The following TMEM163 variants were observed in gnomAD, a reference collection of about 807,000 sequenced individuals.
TMEM163 encodes transmembrane protein 163.
Under a neutral mutation model 29.3 loss-of-function variants are expected in TMEM163, and 17 were observed. That is an observed-to-expected ratio of 0.58 (90% CI 0.40 to 0.87). TMEM163 has a LOEUF of 0.87. Ranked by LOEUF, TMEM163 falls within the 40% of genes least tolerant of loss-of-function variation. TMEM163 has a pLI of 0.00. For synonymous variants in TMEM163, 157 were observed against 160.6 expected, an observed-to-expected ratio of 0.98 and a Z score of 0.17; for missense variants, 303 against 381.5, an observed-to-expected ratio of 0.79 and a Z score of 1.71.
At chr2:134,519,582 G>A (rs1680147906) in intron 4 of TMEM163, among the ~76,000 whole-genome samples, 1 of 151,978 alleles carries the variant, frequency 6.6e-6, no homozygotes. Context: ...CGTGGTGGGG[G>A]GTGCCTGTAG....
At chr2:134,474,323 G>A (rs78620708) in intron 5 of TMEM163, among the ~76,000 whole-genome samples, 4,433 of 152,230 alleles carry the variant, frequency 0.029, 83 homozygotes, top group Non-Finnish European at 0.044. Context: ...ACCCACTCAT[G>A]GAGAAGGGAA....
At chr2:134,553,947 A>G (rs551076991) in intron 2 of TMEM163, among the ~76,000 whole-genome samples, 20 of 152,392 alleles carry the variant, frequency 1.3e-4, no homozygotes, top group East Asian at 1.2e-3. Flanking sequence ...CACGTGCTCC[A>G]TAACTGTTAA....
chr2:134,681,233 C>T (rs1244843600), intron 2 of TMEM163, among the ~76,000 whole-genome samples: 1 of 152,214 alleles, frequency 6.6e-6, no homozygotes, highest in East Asian at 1.9e-4. Flanking sequence ...CCATCTCTGA[C>T]AGGCACGTCT....
intron 2 of TMEM163, among the ~76,000 whole-genome samples, chr2:134,628,458 C>T (rs1398734874): frequency 2.6e-5 from 4 of 152,238 alleles, no homozygotes; most frequent in African/African-American, 9.6e-5. Flanking sequence ...CCATGCAGTC[C>T]CGGTTTCACC....
chr2:134,626,324 C>T (rs12992877), intron 2 of TMEM163, among the ~76,000 whole-genome samples: 6 of 151,878 alleles, frequency 4.0e-5, no homozygotes, highest in Admixed American at 1.3e-4. Flanking sequence ...AGGCTGGTCT[C>T]GAACTCCTGA....
At chr2:134,496,902 C>T (rs1679577628) in intron 5 of TMEM163, among the ~76,000 whole-genome samples, 1 of 152,090 alleles carries the variant, frequency 6.6e-6, no homozygotes, top group South Asian at 2.1e-4. Context: ...TGACAGAGAC[C>T]ACAGGTGCAC....
At chr2:134,572,274 A>C (rs1350554554) in intron 2 of TMEM163, among the ~76,000 whole-genome samples, 4 of 152,186 alleles carry the variant, frequency 2.6e-5, no homozygotes, top group African/African-American at 9.7e-5. Context: ...TGTGTTTCCC[A>C]AAGTCTGTCC....
At chr2:134,694,055 T>C (rs573891366) in intron 2 of TMEM163, among the ~76,000 whole-genome samples, 3 of 152,134 alleles carry the variant, frequency 2.0e-5, no homozygotes, top group African/African-American at 7.2e-5. Flanking sequence ...CTTTTCTGAG[T>C]CTTAAAATCC....
chr2:134,600,634 G>C (rs889241242), intron 2 of TMEM163, among the ~76,000 whole-genome samples: 5 of 152,084 alleles, frequency 3.3e-5, no homozygotes, highest in African/African-American at 1.2e-4. Context: ...AGAGGTGATG[G>C]GGTCATTAGG....
At chr2:134,568,692 GGAAA>G (rs1681355787) in intron 2 of TMEM163, among the ~76,000 whole-genome samples, 1 of 149,484 alleles carries the variant, frequency 6.7e-6, no homozygotes, top group Non-Finnish European at 1.5e-5. Context: ...AAAGAAAAAA[GGAAA>G]GAAAGAAAAA....
chr2:134,596,230 G>A (rs1682080222), intron 2 of TMEM163, among the ~76,000 whole-genome samples: 1 of 152,118 alleles, frequency 6.6e-6, no homozygotes, highest in South Asian at 2.1e-4. Context: ...TTCTTCTAGG[G>A]TTTTTATGGT....
rs114665123 is a variant in TMEM163, at chr2:134,677,007, T to C, written c.322+36193A>G. Among the ~76,000 whole-genome samples, 727 of 152,292 alleles carry C rather than the reference T, an allele frequency of 4.8e-3. 12 individuals carry two copies. The highest frequency in any genetic ancestry group is 0.014 in the African/African-American group (596 of 41,564). Reference sequence around the variant, plus strand: ...CAGCAGCTTTTCTTCTACAGTTCTCTGCAGAAGACATTTTAACCAGATGCA... The same window carrying C: ...CAGCAGCTTTTCTTCTACAGTTCTCCGCAGAAGACATTTTAACCAGATGCA... On this transcript the variant is annotated intron_variant, in intron 2 of 7. Transcript: ENST00000281924.
At chr2:134,493,885 A>T (rs909296637) in intron 5 of TMEM163, among the ~76,000 whole-genome samples, 7 of 152,106 alleles carry the variant, frequency 4.6e-5, no homozygotes, top group African/African-American at 1.7e-4. Flanking sequence ...CCTTTCCCCC[A>T]TTGAATTACC....
intron 2 of TMEM163, among the ~76,000 whole-genome samples, chr2:134,702,684 T>A (rs4954167): frequency 0.2 from 30,937 of 151,412 alleles, 3,766 homozygotes; most frequent in Middle Eastern, 0.38. Flanking sequence ...ATAAAAAAAA[T>A]TTTCAAAAAA....
intron 5 of TMEM163, among the ~76,000 whole-genome samples, chr2:134,485,247 C>G (rs1679282044): frequency 6.6e-6 from 1 of 152,200 alleles, no homozygotes; most frequent in African/African-American, 2.4e-5. Context: ...TCAAAATCAT[C>G]TAACACAAAG....
At chr2:134,660,069 G>A (rs766649614) in intron 2 of TMEM163, among the ~76,000 whole-genome samples, 1 of 152,336 alleles carries the variant, frequency 6.6e-6, no homozygotes, top group South Asian at 2.1e-4. Context: ...ATCTGGACAT[G>A]AGCGGGGATC....
intron 2 of TMEM163, among the ~76,000 whole-genome samples, chr2:134,570,916 A>G (rs571364204): frequency 8.5e-5 from 13 of 152,242 alleles, no homozygotes; most frequent in Admixed American, 7.2e-4. Context: ...GACCCCATAA[A>G]TCTGGCCAGT....
chr2:134,494,747 A>G (rs1287320983), intron 5 of TMEM163, among the ~76,000 whole-genome samples: 1 of 152,228 alleles, frequency 6.6e-6, no homozygotes, highest in Non-Finnish European at 1.5e-5. Context: ...CATTACAAAG[A>G]AACTGAGGCA....
At chr2:134,557,618 A>C (rs1681075458) in intron 2 of TMEM163, among the ~76,000 whole-genome samples, 1 of 152,200 alleles carries the variant, frequency 6.6e-6, no homozygotes, top group Non-Finnish European at 1.5e-5. Flanking sequence ...TGTATTTTTT[A>C]AAGTCTTTGA....
Sources: allele counts gnomAD v4.1 joint callset (sites outside exome capture counted in the v4.1 genomes callset), GRCh38; gene constraint gnomAD v4.1.1; transcripts MANE v1.5; gene names NCBI Gene and HGNC (gene_info 2026-07-23, HGNC 2026-07-21).